The following PKNOX2 variants were observed in gnomAD, a reference collection of about 807,000 sequenced individuals.
PKNOX2 encodes homeobox protein PKNOX2.
PKNOX2 carries 14 observed loss-of-function variants against 53.1 expected under a neutral mutation model. The ratio of observed to expected loss-of-function variants is 0.26; its 90% CI spans 0.17 to 0.41. The LOEUF (loss-of-function observed/expected upper bound fraction) is 0.41. PKNOX2 is among the 10% of genes least tolerant of loss of function. PKNOX2 has a pLI of 1.00. For missense variants in PKNOX2, 496 were observed against 602.8 expected (o/e 0.82, Z 1.85); for synonymous variants, 257 against 242.8 (o/e 1.06, Z -0.54).
intron 2 of PKNOX2, among the ~76,000 whole-genome samples, chr11:125,324,549 C>T (rs1949723605): frequency 6.6e-6 from 1 of 152,024 alleles, no homozygotes; most frequent in Non-Finnish European, 1.5e-5. Flanking sequence ...AGAGTAGTAC[C>T]CAGACGATCA....
chr11:125,238,319 G>C (rs1942891061), intron 2 of PKNOX2, among the ~76,000 whole-genome samples: 1 of 152,200 alleles, frequency 6.6e-6, no homozygotes, highest in Non-Finnish European at 1.5e-5. Flanking sequence ...GAGTTTGGAG[G>C]AAGAGTCTTG....
In PKNOX2 at chr11:125,165,938, T is replaced by C. The variant is rs1027019688; in HGVS notation, c.-201+1162T>C. ...GATCCCCAGGAAGAAACGAGCGAAA[T>C]GGGCCGTCCTTTCCCGGGGCTCTTC... On this transcript the variant is annotated intron_variant, in intron 1 of 12. Transcript: ENST00000298282. This position sits in a 1 kb window ranked among gnomAD's most constrained non-coding sequence, Gnocchi z 4.5. 5.3e-5 allele frequency among the ~76,000 whole-genome samples: 8 copies of C among 151,928 alleles called. No homozygotes were observed. In the East Asian group the frequency reaches 9.7e-4, roughly 18 times the overall value.
At chr11:125,208,747 T>C (rs1008104854) in intron 1 of PKNOX2, among the ~76,000 whole-genome samples, 11 of 151,490 alleles carry the variant, frequency 7.3e-5, no homozygotes, top group African/African-American at 2.7e-4. Context: ...CCAAGATTCA[T>C]ACAGCTTGGG....
intron 2 of PKNOX2, among the ~76,000 whole-genome samples, chr11:125,249,103 A>C (rs2135662829): frequency 8.6e-6 from 1 of 116,078 alleles, no homozygotes; most frequent in Middle Eastern, 3.8e-3. Context: ...ATATGTGTGC[A>C]TCTTGAGGGT....
intron 1 of PKNOX2, among the ~76,000 whole-genome samples, chr11:125,169,249 T>A (rs544843653): frequency 1.3e-5 from 2 of 152,314 alleles, no homozygotes; most frequent in East Asian, 3.9e-4. Context: ...GAACCACCGT[T>A]AGCCTGAGTC....
intron 10 of PKNOX2, among the ~76,000 whole-genome samples, chr11:125,423,767 C>T (rs1423111268): frequency 6.6e-6 from 1 of 152,136 alleles, no homozygotes; most frequent in Non-Finnish European, 1.5e-5. Flanking sequence ...TCTGAGAGGG[C>T]TTCACTTATC....
intron 1 of PKNOX2, among the ~76,000 whole-genome samples, chr11:125,226,358 C>T (rs4936998): frequency 0.13 from 20,512 of 152,064 alleles, 1,510 homozygotes; most frequent in Non-Finnish European, 0.17. Flanking sequence ...AACCTCTCCC[C>T]GGAAAAACTT....
At chr11:125,270,869 A>T (rs570905003) in intron 2 of PKNOX2, among the ~76,000 whole-genome samples, 1 of 152,288 alleles carries the variant, frequency 6.6e-6, no homozygotes, top group South Asian at 2.1e-4. Context: ...CTCCTGGACC[A>T]GGGCCTGTAT....
chr11:125,200,405 C>T (rs1422497767), intron 1 of PKNOX2, among the ~76,000 whole-genome samples: 1 of 152,214 alleles, frequency 6.6e-6, no homozygotes. Flanking sequence ...CCGTCAAAAA[C>T]CTGGGCACTG....
At chr11:125,179,170 G>A (rs1956005521) in intron 1 of PKNOX2, among the ~76,000 whole-genome samples, 1 of 152,048 alleles carries the variant, frequency 6.6e-6, no homozygotes, top group Admixed American at 6.6e-5. Context: ...TATTTATTAG[G>A]TATCCTGAGC....
chr11:125,300,484 A>G (rs1190992675), intron 2 of PKNOX2, among the ~76,000 whole-genome samples: 3 of 152,200 alleles, frequency 2.0e-5, no homozygotes, highest in African/African-American at 4.8e-5. Context: ...ACCAAGATTT[A>G]AGCCCTGGCA....
rs1251317619 is a variant in PKNOX2 at position 125,240,990 on chromosome 11, G to A, written c.-130+5875G>A. Reference sequence around the variant, plus strand: ...CCCGTATCTGGAGGAGCCTAGCGCTGTGCTTGCGATAGCTGGAGCCTAATT... The same window carrying A: ...CCCGTATCTGGAGGAGCCTAGCGCTATGCTTGCGATAGCTGGAGCCTAATT... On this transcript the variant is annotated intron_variant, in intron 2 of 12. Coordinates refer to ENST00000298282, the MANE Select transcript of PKNOX2 (RefSeq NM_001382323.2). This position sits in a 1 kb window ranked among gnomAD's most constrained non-coding sequence, Gnocchi z 4.3. Among the ~76,000 whole-genome samples, 2 of 152,244 alleles carry A rather than the reference G, an allele frequency of 1.3e-5. No homozygotes were observed. The highest frequency in any genetic ancestry group is 2.9e-5 in the Non-Finnish European group (2 of 68,052).
chr11:125,234,756 G>A (rs1445983304), intron 1 of PKNOX2, among the ~76,000 whole-genome samples: 2 of 152,098 alleles, frequency 1.3e-5, no homozygotes, highest in African/African-American at 4.8e-5. Context: ...TTTCTCCTCT[G>A]GTAGTCCTAT....
At chr11:125,389,808 AT>A (rs1257972949) in intron 6 of PKNOX2, among the ~76,000 whole-genome samples, 1 of 152,010 alleles carries the variant, frequency 6.6e-6, no homozygotes, top group Non-Finnish European at 1.5e-5. Context: ...TTATGTGTAA[AT>A]TTTTTAACAT....
intron 1 of PKNOX2, among the ~76,000 whole-genome samples, chr11:125,229,837 C>T (rs1200702623): frequency 6.6e-6 from 1 of 152,154 alleles, no homozygotes; most frequent in African/African-American, 2.4e-5. Flanking sequence ...CTGCTGAGAC[C>T]AAGCCACTCT....
Position 125,326,360 on chromosome 11 carries a change from G to A in PKNOX2, c.-129-5459G>A, listed in dbSNP as rs142089786. Among the ~76,000 whole-genome samples the A allele has an allele frequency of 1.9e-3, 284 of 152,336 alleles. 2 individuals carry two copies. The highest frequency in any genetic ancestry group is 6.6e-3 in the African/African-American group (275 of 41,576). On this transcript the variant is annotated intron_variant, in intron 2 of 12. Transcript: ENST00000298282. ...GTGGGCCAGGGAACTCACACAGGGG[G>A]TGTGCTTGGCTGTGAGGCAGTGGCA...
chr11:125,395,953 C>CTT (rs949920113), intron 6 of PKNOX2, among the ~76,000 whole-genome samples: 17 of 131,892 alleles, frequency 1.3e-4, no homozygotes, highest in East Asian at 2.2e-4. Context: ...ACTGGATCAT[C>CTT]TTTTTTTTTT....
At chr11:125,187,548 T>C (rs1956530202) in intron 1 of PKNOX2, among the ~76,000 whole-genome samples, 1 of 152,248 alleles carries the variant, frequency 6.6e-6, no homozygotes, top group Non-Finnish European at 1.5e-5. Flanking sequence ...GCTGAATGCT[T>C]ATTAGTTCTA....
At chr11:125,402,746 T>A (rs1954827937) in intron 7 of PKNOX2, among the ~76,000 whole-genome samples, 1 of 152,146 alleles carries the variant, frequency 6.6e-6, no homozygotes, top group South Asian at 2.1e-4. Flanking sequence ...CTGGATTGGG[T>A]GATCCACATG....
Sources: gnomAD v4.1 joint callset for allele counts (sites outside exome capture counted in the v4.1 genomes callset) on GRCh38, gnomAD v4.1.1 for gene constraint, Gnocchi (gnomAD v3.1) non-coding constraint, MANE v1.5 for transcripts, NCBI Gene and HGNC (gene_info 2026-07-23, HGNC 2026-07-21) for gene names.